Variants in ERBB4 observed in about 807,000 individuals in gnomAD.
ERBB4 encodes receptor tyrosine-protein kinase erbB-4.
In ERBB4, 42 loss-of-function variants were observed where a neutral mutation model predicts 158.0. The ratio of observed to expected loss-of-function variants is 0.27; its 90% CI spans 0.21 to 0.34. The LOEUF (loss-of-function observed/expected upper bound fraction) is 0.34. ERBB4 is among the 10% of genes least tolerant of loss of function. ERBB4 has a pLI of 1.00. For missense variants in ERBB4, 1,333 were observed against 1,624.1 expected, an observed-to-expected ratio of 0.82 and a Z score of 3.08; for synonymous variants, 583 against 558.7, an observed-to-expected ratio of 1.04 and a Z score of -0.61.
At chr2:211,581,819 G>T (rs1373138187) in intron 19 of ERBB4, among the ~76,000 whole-genome samples, 1 of 152,000 alleles carries the variant, frequency 6.6e-6, no homozygotes, top group African/African-American at 2.4e-5. Flanking sequence ...AGACCATCCT[G>T]GCCAACATGG....
chr2:211,456,336 A>G (rs1181566120), intron 20 of ERBB4, among the ~76,000 whole-genome samples: 1 of 152,210 alleles, frequency 6.6e-6, no homozygotes, highest in Non-Finnish European at 1.5e-5. Context: ...ATAATATACA[A>G]TCTTATATCC....
At chr2:212,434,741 A>G (rs2092100594) in intron 1 of ERBB4, among the ~76,000 whole-genome samples, 1 of 151,984 alleles carries the variant, frequency 6.6e-6, no homozygotes, top group Non-Finnish European at 1.5e-5. Context: ...TAATCTTATA[A>G]TATGGAATCA....
At chr2:211,418,578 T>G (rs2063444733) in intron 25 of ERBB4, among the ~76,000 whole-genome samples, 1 of 152,126 alleles carries the variant, frequency 6.6e-6, no homozygotes, top group Admixed American at 6.5e-5. Context: ...ATTAAGAATT[T>G]CTTGCACTGA....
chr2:212,464,775 T>C (rs1477939123), intron 1 of ERBB4, among the ~76,000 whole-genome samples: 1 of 152,032 alleles, frequency 6.6e-6, no homozygotes, highest in Non-Finnish European at 1.5e-5. Flanking sequence ...CAAATGGTGG[T>C]CAATTAATAA....
intron 2 of ERBB4, among the ~76,000 whole-genome samples, chr2:212,081,472 A>G (rs185786010): frequency 6.6e-6 from 1 of 152,150 alleles, no homozygotes; most frequent in Admixed American, 6.6e-5. Context: ...ATCACACTAA[A>G]TCAAGGGTAC....
At chr2:212,480,324 G>GA (rs1193395177) in intron 1 of ERBB4, among the ~76,000 whole-genome samples, 1 of 152,052 alleles carries the variant, frequency 6.6e-6, no homozygotes, top group Non-Finnish European at 1.5e-5. Context: ...TTGGCACATT[G>GA]AAAAAACCAA....
Position 211,625,342 on chromosome 2 carries a change from T to C in ERBB4, c.2080-1298A>G, listed in dbSNP as rs1043635713. ...TCTATCTCCAAAGCTAAGTGCACTG[T>C]GGCCCTGCAGCTTGGGTATGAATTA... On this transcript the variant is annotated intron_variant, in intron 17 of 27. Transcript: ENST00000342788. Among the ~76,000 whole-genome samples, 10 of 152,314 alleles carry C rather than the reference T, an allele frequency of 6.6e-5. No individual in the cohort carries two copies. The South Asian group carries it at 2.1e-3, about 32-fold the overall frequency.
At chr2:212,159,957 A>G (rs984073549) in intron 1 of ERBB4, among the ~76,000 whole-genome samples, 2 of 152,008 alleles carry the variant, frequency 1.3e-5, no homozygotes, top group African/African-American at 2.4e-5. Context: ...TTTTAGGGTT[A>G]GTCTAAGTCC....
At chr2:211,786,755 C>A (rs1017756447) in intron 4 of ERBB4, among the ~76,000 whole-genome samples, 1 of 152,144 alleles carries the variant, frequency 6.6e-6, no homozygotes, top group African/African-American at 2.4e-5. Context: ...TTTTACCCAA[C>A]CAATATCCAC....
At chr2:212,096,058 ATAAGC>A (rs1381226533) in intron 2 of ERBB4, among the ~76,000 whole-genome samples, 1 of 152,078 alleles carries the variant, frequency 6.6e-6, no homozygotes. Context: ...CAAATTGATA[ATAAGC>A]TAAGGGAAGG....
chr2:211,618,467 A>G (rs2069476502), intron 19 of ERBB4, among the ~76,000 whole-genome samples: 1 of 151,996 alleles, frequency 6.6e-6, no homozygotes, highest in Non-Finnish European at 1.5e-5. Flanking sequence ...AGTTGCTGCC[A>G]CAGAGAACAC....
intron 1 of ERBB4, among the ~76,000 whole-genome samples, chr2:212,464,956 ACAGT>A (rs368535916): frequency 2.2e-3 from 335 of 151,958 alleles, no homozygotes; most frequent in Non-Finnish European, 4.0e-3. Context: ...GTACAAATTG[ACAGT>A]CAAAGACAAT....
rs71057412 is a variant in ERBB4, at chr2:212,446,591, GTATATATATA to G, written c.82+91848_82+91857del. Among the ~76,000 whole-genome samples, 187 of 27,512 alleles carry G rather than the reference GTATATATATA, an allele frequency of 6.8e-3. 5 individuals carry two copies. The highest frequency in any genetic ancestry group is 0.023 in the East Asian group (20 of 880). 18.0% of individuals were successfully genotyped at this position (27,512 alleles called of 152,430 possible). On this transcript the variant is annotated intron_variant, in intron 1 of 27. Transcript: ENST00000342788. ...TTAATAAACTCCCATATATATATAT[GTATATATATA>G]TATATATATATATATATATATATAT...
intron 1 of ERBB4, among the ~76,000 whole-genome samples, chr2:212,133,419 TTTTG>T (rs756691383): frequency 2.2e-3 from 319 of 145,414 alleles, no homozygotes; most frequent in South Asian, 4.9e-3. Context: ...TTTGTTTTGT[TTTTG>T]TTTTTTTTTT....
intron 3 of ERBB4, among the ~76,000 whole-genome samples, chr2:211,817,893 C>T (rs2076912279): frequency 6.6e-6 from 1 of 152,176 alleles, no homozygotes. Flanking sequence ...GGGACCCCAA[C>T]ATTGCAGAAC....
intron 1 of ERBB4, among the ~76,000 whole-genome samples, chr2:212,198,615 C>T (rs1184368820): frequency 2.0e-4 from 30 of 152,054 alleles, no homozygotes; most frequent in Non-Finnish European, 1.2e-4. Flanking sequence ...TGCTCTGTTG[C>T]CCAGGCTGGA....
intron 5 of ERBB4, among the ~76,000 whole-genome samples, chr2:211,743,123 T>C (rs2074849443): frequency 6.6e-6 from 1 of 152,192 alleles, no homozygotes; most frequent in Non-Finnish European, 1.5e-5. Flanking sequence ...TTTCAACTTC[T>C]ACAATAAATA....
At chr2:211,471,105 T>G (rs2064816972) in intron 20 of ERBB4, among the ~76,000 whole-genome samples, 2 of 152,002 alleles carry the variant, frequency 1.3e-5, no homozygotes, top group African/African-American at 2.4e-5. Flanking sequence ...CCAAGCCACT[T>G]AAGGAGGCCC....
chr2:211,626,119 T>G (rs751288275), intron 17 of ERBB4, among the ~76,000 whole-genome samples: 1 of 152,142 alleles, frequency 6.6e-6, no homozygotes, highest in Non-Finnish European at 1.5e-5. Flanking sequence ...ATAATTACCT[T>G]AGAAACTTGA....
Sources: allele counts gnomAD v4.1 joint callset (sites outside exome capture counted in the v4.1 genomes callset), GRCh38; gene constraint gnomAD v4.1.1; transcripts MANE v1.5; gene names NCBI Gene and HGNC (gene_info 2026-07-23, HGNC 2026-07-21).